Variants in CYP26C1 observed in about 807,000 individuals in gnomAD.
CYP26C1 encodes cytochrome P450 family 26 subfamily C member 1, also known as cytochrome P450 26C1.
A neutral mutation model predicts 39.1 loss-of-function variants in CYP26C1; 41 were observed. The observed-to-expected ratio is 1.05, with a 90% CI of 0.82 to 1.36. CYP26C1 has a LOEUF of 1.36. Among genes scored for constraint, CYP26C1 ranks in the 40% most tolerant of loss-of-function variants. The probability of loss-of-function intolerance (pLI) is 0.00; values close to 1 mark genes in which losing one functional copy is unlikely to be tolerated. For synonymous variants in CYP26C1, 362 were observed against 350.8 expected (o/e 1.03, Z -0.36); for missense variants, 833 against 752.0 (o/e 1.11, Z -1.26).
At chr10:93,065,911 G>T in intron 4 of CYP26C1, 45 bp from the exon 5 acceptor site, 1 of 1,478,176 alleles carries the variant, frequency 6.8e-7, no homozygotes, top group Non-Finnish European at 9.0e-7. Context: ...CGCCCCGGGC[G>T]ACTCCACCGC....
rs1846784709 is a variant in CYP26C1, at chr10:93,064,090, G to T, written c.706-291G>T. 7.5e-6 allele frequency: 9 copies of T among 1,193,290 alleles called. No individual in the cohort carries two copies. In the South Asian group the frequency reaches 1.5e-4, roughly 20 times the overall value. The allele number at this position is 1,193,290 out of a possible 1,614,324, so 73.9% of individuals were successfully genotyped here. A position where few individuals can be genotyped will look rare whatever the true frequency, so the allele number is the denominator to read the frequency against. Reference sequence around the variant, plus strand: ...GGACATGGACAGCTGTGTGACTCTGGGCAATTGCTTGACCTCTCTGAACTT... The same window carrying T: ...GGACATGGACAGCTGTGTGACTCTGTGCAATTGCTTGACCTCTCTGAACTT... On this transcript the variant is annotated intron_variant, in intron 3 of 5. Transcript: ENST00000651965.
In CYP26C1 at chr10:93,068,909, T is replaced by A; in HGVS notation, c.*212T>A. 1.2e-6 allele frequency: 1 copy of A among 803,400 alleles called. No homozygotes were observed. The highest frequency in any genetic ancestry group is 1.8e-6 in the Non-Finnish European group (1 of 560,858). 49.8% of individuals were successfully genotyped at this position (803,400 alleles called of 1,614,324 possible). Reference sequence around the variant, plus strand: ...CGCGCCAGAGAAGCATCTAAGCCCATGGGAAGATGCCTTCTGCGCTCCGCG... The same window carrying A: ...CGCGCCAGAGAAGCATCTAAGCCCAAGGGAAGATGCCTTCTGCGCTCCGCG... On this transcript the variant is annotated 3_prime_UTR_variant, in exon 6 of 6. Coordinates refer to ENST00000651965, the MANE Select transcript of CYP26C1 (RefSeq NM_183374.3).
Position 93,068,967 on chromosome 10 carries a change from G to C in CYP26C1, c.*270G>C. 3 of 461,148 alleles carry C rather than the reference G, an allele frequency of 6.5e-6. No individual in the cohort carries two copies. Among genetic ancestry groups the C allele is most frequent in the Admixed American group, 4.4e-5 (1 of 22,546 alleles). The allele number at this position is 461,148 out of a possible 1,614,324, so 28.6% of individuals were successfully genotyped here. A position where few individuals can be genotyped will look rare whatever the true frequency, so the allele number is the denominator to read the frequency against. On this transcript the variant is annotated 3_prime_UTR_variant, in exon 6 of 6. Transcript: ENST00000651965. ...GAAGGAAAATGTCGTGGGCCAAGCA[G>C]GAATGGAGGGAATAGATAGATCCCC... is the stretch of plus-strand genomic sequence containing the variant.
Position 93,068,570 on chromosome 10 carries a change from G to A in CYP26C1, c.1442G>A (p.Arg481His). ...LLAVELVRTA[R>H]WELATPAFPA... is the part of the protein sequence containing the mutation. ...GCTGTGGAGCTAGTGCGCACCGCGC[G>A]CTGGGAACTGGCCACACCCGCCTTC... The change falls in exon 6 of 6, where the codon CGC (arginine) becomes CAC (histidine). Residue 481 changes from arginine to histidine, a missense_variant. Arg to His is a conservative substitution (Grantham distance 29). Transcript: ENST00000651965. 1.3e-6 allele frequency: 2 copies of A among 1,593,260 alleles called. No homozygotes were observed. The highest frequency in any genetic ancestry group is 1.7e-6 in the Non-Finnish European group (2 of 1,170,456).
At chr10:93,063,074 T>C in intron 3 of CYP26C1, 79 bp downstream of exon 3, 1 of 1,479,932 alleles carries the variant, frequency 6.8e-7, no homozygotes, top group East Asian at 2.4e-5. Flanking sequence ...CGGGACGCCC[T>C]CGGCGCACCC....
At position 93,066,105 on chromosome 10, in the gene CYP26C1, C is replaced by T. The variant is rs1050931290; in HGVS notation, c.1011C>T (p.Cys337=). Residue 337 remains cysteine, a synonymous_variant, in exon 5 of 6, where the codon TGC becomes TGT. Transcript: ENST00000651965. ...AGGGGCTGGGGCGCGCGTGCGGCTGCGCGCCCGGGGCCGCTGGGGGCAGCG... is the reference window on the plus strand; with the variant it reads ...AGGGGCTGGGGCGCGCGTGCGGCTGTGCGCCCGGGGCCGCTGGGGGCAGCG... ...VAQGLGRACG[C]APGAAGGSEG... The T allele has an allele frequency of 7.6e-7, 1 of 1,323,180 alleles. No homozygotes were observed. The highest frequency in any genetic ancestry group is 9.6e-7 in the Non-Finnish European group (1 of 1,042,890). 82.0% of individuals were successfully genotyped at this position (1,323,180 alleles called of 1,614,324 possible).
At chr10:93,064,327 G>A (rs1176113022) in intron 3 of CYP26C1, 54 bp from the exon 4 acceptor site, 2 of 1,560,000 alleles carry the variant, frequency 1.3e-6, no homozygotes, top group Non-Finnish European at 1.7e-6. Context: ...TAAGTGGCCG[G>A]GCTTGGCCCC....
At chr10:93,066,573 A>C (rs531496842) in intron 5 of CYP26C1, among the ~76,000 whole-genome samples, 1 of 152,174 alleles carries the variant, frequency 6.6e-6, no homozygotes, top group South Asian at 2.1e-4. Flanking sequence ...GGTCAATTCA[A>C]TGAGAGCGGA....
In CYP26C1 at chr10:93,061,324, T is replaced by G. The variant is rs766565697; in HGVS notation, c.61T>G (p.Cys21Gly). ...GGGGGCGGCGGGCACTGCTCTCCTGTGCGCGGGCCTGCTGCTCAGCCTGGC... is the reference window on the plus strand; with the variant it reads ...GGGGGCGGCGGGCACTGCTCTCCTGGGCGCGGGCCTGCTGCTCAGCCTGGC... Reference protein sequence around the residue: ...VLGAAGTALLCAGLLLSLAQH... With the variant: ...VLGAAGTALLGAGLLLSLAQH... Residue 21 changes from cysteine to glycine, a missense_variant, in exon 1 of 6, where the codon TGC becomes GGC. Cys to Gly is a radical substitution (Grantham distance 159). Transcript: ENST00000651965. 1.6e-5 allele frequency: 25 copies of G among 1,594,030 alleles called. No homozygotes were observed. The South Asian group carries it at 2.5e-4, about 16-fold the overall frequency.
In CYP26C1 at chr10:93,066,144, C is replaced by A. The variant is rs187448183; in HGVS notation, c.1050C>A (p.Pro350=). 3 of 1,366,174 alleles carry A rather than the reference C, an allele frequency of 2.2e-6. No individual in the cohort carries two copies. Among genetic ancestry groups the A allele is most frequent in the South Asian group, 1.9e-5 (1 of 52,796 alleles). 84.6% of individuals were successfully genotyped at this position (1,366,174 alleles called of 1,614,324 possible). ...GAAGGSEGPP[P]DCGCEPDLSL... ...CTGGGGGCAGCGAGGGGCCCCCGCC[C>A]GACTGCGGCTGCGAGCCCGACCTCA... Residue 350 remains proline (P), a synonymous_variant, in exon 5 of 6, where the codon CCC becomes CCA. Coordinates refer to ENST00000651965, the MANE Select transcript of CYP26C1 (RefSeq NM_183374.3).
Position 93,066,201 on chromosome 10 carries a change from C to A in CYP26C1, c.1107C>A (p.Val369=). The A allele has an allele frequency of 1.4e-6, 2 of 1,475,506 alleles. No homozygotes were observed. 91.4% of individuals were successfully genotyped at this position (1,475,506 alleles called of 1,614,324 possible). Residue 369 remains valine, a synonymous_variant, in exon 5 of 6, where the codon GTC becomes GTA. Transcript: ENST00000651965. ...CGGCGCTGGGCCGTCTGCGCTACGT[C>A]GACTGCGTGGTCAAGGAGGTGCTGC... The part of the protein sequence containing the change: ...SLAALGRLRY[V]DCVVKEVLRL...
chr10:93,064,797 G>A (rs1846802518), intron 4 of CYP26C1: 2 of 1,164,558 alleles, frequency 1.7e-6, no homozygotes, highest in Non-Finnish European at 2.1e-6. Context: ...CAGGTTTCTG[G>A]CCACAAATGG....
At chr10:93,062,571 G>A (rs1468482891) in intron 2 of CYP26C1, 149 bp from the exon 3 acceptor site, 7 of 705,316 alleles carry the variant, frequency 9.9e-6, no homozygotes, top group Non-Finnish European at 1.3e-5. Flanking sequence ...GCAGAACTGG[G>A]GGAAATGGCG....
At chr10:93,062,577 T>C (rs1377470811) in intron 2 of CYP26C1, 143 bp from the exon 3 acceptor site, 4 of 732,330 alleles carry the variant, frequency 5.5e-6, no homozygotes, top group Non-Finnish European at 8.3e-6. Flanking sequence ...CTGGGGGAAA[T>C]GGCGAAAGCA....
intron 2 of CYP26C1, 126 bp downstream of exon 2, chr10:93,062,360 G>C (rs1218515833): frequency 3.9e-6 from 4 of 1,015,640 alleles, no homozygotes; most frequent in Non-Finnish European, 2.8e-6. Context: ...GGTAACTAGC[G>C]GGTGGCCTTG....
rs1207856700 is a variant in CYP26C1 at position 93,068,770 on chromosome 10, C to T, written c.*73C>T. 6.9e-7 allele frequency: 1 copy of T among 1,452,500 alleles called. No individual in the cohort carries two copies. The highest frequency in any genetic ancestry group is 9.1e-7 in the Non-Finnish European group (1 of 1,103,618). 90.0% of individuals were successfully genotyped at this position (1,452,500 alleles called of 1,614,324 possible). On this transcript the variant is annotated 3_prime_UTR_variant, in exon 6 of 6. Transcript: ENST00000651965. ...CGCAGCGCCACCCATCTGCCGCTCCCCATTGTAGCGTCGCGCGCCCACTCT... is the reference window on the plus strand; with the variant it reads ...CGCAGCGCCACCCATCTGCCGCTCCTCATTGTAGCGTCGCGCGCCCACTCT...
chr10:93,061,980 C>T, intron 1 of CYP26C1, 30 bp from the exon 2 acceptor site: 1 of 1,543,282 alleles, frequency 6.5e-7, no homozygotes. Context: ...CCCAGAAGTT[C>T]CAGCTCTCCA....
Position 93,066,162 on chromosome 10 carries a change from C to G in CYP26C1, c.1068C>G (p.Pro356=). 5.6e-6 allele frequency: 8 copies of G among 1,420,476 alleles called. No individual in the cohort carries two copies. Among genetic ancestry groups the G allele is most frequent in the Non-Finnish European group, 7.4e-6 (8 of 1,087,124 alleles). The allele number at this position is 1,420,476 out of a possible 1,614,324, so 88.0% of individuals were successfully genotyped here. ...EGPPPDCGCE[P]DLSLAALGRL... ...CCCCGCCCGACTGCGGCTGCGAGCC[C>G]GACCTCAGCCTCGCGGCGCTGGGCC... is the stretch of plus-strand genomic sequence containing the variant. Residue 356 remains proline, a synonymous_variant, in exon 5 of 6, where the codon CCC becomes CCG. Transcript: ENST00000651965.
chr10:93,066,434 C>A (rs1177162687), intron 5 of CYP26C1, 149 bp downstream of exon 5: 7 of 744,656 alleles, frequency 9.4e-6, no homozygotes, highest in South Asian at 5.9e-5. Flanking sequence ...AGAGCCTCAG[C>A]CTTCCGTCCT....
Sources: gnomAD v4.1 joint callset for allele counts (sites outside exome capture counted in the v4.1 genomes callset) on GRCh38, gnomAD v4.1.1 for gene constraint, MANE v1.5 for transcripts, NCBI Gene and HGNC (gene_info 2026-07-23, HGNC 2026-07-21) for gene names.